ANXA2: variants seen among roughly 807,000 people sequenced by gnomAD.
ANXA2 encodes the protein annexin II.
ANXA2 carries 28 observed loss-of-function variants against 47.3 expected under a neutral mutation model. That is an observed-to-expected ratio of 0.59 (90% CI 0.44 to 0.81). The LOEUF (loss-of-function observed/expected upper bound fraction) is 0.81, where lower values mean the gene tolerates loss of function less well. ANXA2 is among the 40% of genes least tolerant of loss of function. The pLI is 0.00. For missense variants in ANXA2, 384 were observed against 414.3 expected, an observed-to-expected ratio of 0.93 and a Z score of 0.64; for synonymous variants, 172 against 155.5, an observed-to-expected ratio of 1.11 and a Z score of -0.79.
intron 3 of ANXA2, among the ~76,000 whole-genome samples, chr15:60,365,911 C>T (rs1193415294): frequency 7.4e-6 from 1 of 135,820 alleles, no homozygotes; most frequent in African/African-American, 2.8e-5. Flanking sequence ...CAAAGCTGGA[C>T]GGTACTGCTG....
intron 3 of ANXA2, among the ~76,000 whole-genome samples, chr15:60,375,534 C>A (rs914996666): frequency 2.0e-5 from 3 of 152,208 alleles, no homozygotes; most frequent in African/African-American, 7.2e-5. Context: ...ATATTTAACC[C>A]AAGGCCAATC....
At chr15:60,368,718 A>C (rs919531675) in intron 3 of ANXA2, among the ~76,000 whole-genome samples, 4 of 152,198 alleles carry the variant, frequency 2.6e-5, no homozygotes, top group African/African-American at 9.7e-5. Flanking sequence ...CTTTCTTTTG[A>C]TTATCTGTAC....
At chr15:60,358,813 C>G (rs1240412807) in intron 5 of ANXA2, among the ~76,000 whole-genome samples, 3 of 152,218 alleles carry the variant, frequency 2.0e-5, no homozygotes, top group Non-Finnish European at 4.4e-5. Flanking sequence ...AAATAACACA[C>G]AGTGGGAGAA....
At chr15:60,370,160 A>C (rs893478294) in intron 3 of ANXA2, among the ~76,000 whole-genome samples, 18 of 152,240 alleles carry the variant, frequency 1.2e-4, no homozygotes, top group African/African-American at 4.1e-4. Flanking sequence ...CAGCCAGCTG[A>C]GATGCAGTAT....
intron 8 of ANXA2, among the ~76,000 whole-genome samples, chr15:60,353,770 G>A (rs762722160): frequency 1.3e-5 from 2 of 152,282 alleles, no homozygotes; most frequent in African/African-American, 2.4e-5. Flanking sequence ...CAGATTGCTT[G>A]CTCTGGGGAA....
At chr15:60,376,104 G>T (rs773778161) in intron 3 of ANXA2, among the ~76,000 whole-genome samples, 3 of 152,076 alleles carry the variant, frequency 2.0e-5, no homozygotes, top group Non-Finnish European at 4.4e-5. Context: ...TAGGCCAGGC[G>T]CAGTGGCTCA....
intron 1 of ANXA2, among the ~76,000 whole-genome samples, chr15:60,394,099 C>T (rs2063050075): frequency 6.6e-6 from 1 of 152,102 alleles, no homozygotes; most frequent in Non-Finnish European, 1.5e-5. Flanking sequence ...ATAGCCATGC[C>T]CCCCACCTCT....
intron 3 of ANXA2, among the ~76,000 whole-genome samples, chr15:60,377,774 T>G (rs2062801168): frequency 6.6e-6 from 1 of 152,178 alleles, no homozygotes; most frequent in South Asian, 2.1e-4. Context: ...TAATGCCTTT[T>G]ATTTTTTCTT....
At chr15:60,353,304 T>C (rs1244955426) in intron 8 of ANXA2, among the ~76,000 whole-genome samples, 1 of 152,186 alleles carries the variant, frequency 6.6e-6, no homozygotes, top group Non-Finnish European at 1.5e-5. Flanking sequence ...AAAAGTCTTA[T>C]TCAGCCAGAA....
intron 10 of ANXA2, 179 bp downstream of exon 10, chr15:60,351,544 AC>A: frequency 1.6e-6 from 1 of 625,874 alleles, no homozygotes; most frequent in East Asian, 2.7e-5. Context: ...ACAATCTGTT[AC>A]CAAGTTAGGC....
At chr15:60,376,119 C>T (rs1301686290) in intron 3 of ANXA2, among the ~76,000 whole-genome samples, 4 of 152,004 alleles carry the variant, frequency 2.6e-5, no homozygotes, top group African/African-American at 4.8e-5. Context: ...GGCTCACACC[C>T]GTAATCCCAG....
rs2062874360 is a variant in ANXA2 at position 60,382,396 on chromosome 15, T to C, written c.94A>G (p.Asn32Asp). The change falls in exon 3 of 13, where the codon AAC becomes GAC. Residue 32 changes from asparagine (N) to aspartate (D), a missense_variant. Asn to Asp is a conservative substitution (Grantham distance 23). Transcript: ENST00000451270. The stretch of plus-strand genomic sequence containing the variant: ...AAAGCATCCCGCTCAGCATCAAAGT[T>C]AGTATAGGCTTTGACAGACCCATAT... ...SAYGSVKAYT[N>D]FDAERDALNI... is the part of the protein sequence containing the mutation. 3.1e-6 allele frequency: 5 copies of C among 1,614,002 alleles called. No homozygotes were observed. Among genetic ancestry groups the C allele is most frequent in the Non-Finnish European group, 4.2e-6 (5 of 1,179,894 alleles).
At chr15:60,362,149 G>A (rs188476821) in intron 4 of ANXA2, among the ~76,000 whole-genome samples, 20 of 152,188 alleles carry the variant, frequency 1.3e-4, no homozygotes, top group African/African-American at 3.4e-4. Context: ...GGAACACACG[G>A]CACTTAGGAG....
At chr15:60,392,927 A>T in intron 1 of ANXA2, 1 of 1,025,944 alleles carries the variant, frequency 9.7e-7, no homozygotes, top group Non-Finnish European at 1.2e-6. Flanking sequence ...TACAGGCCAC[A>T]CTGGAATTTT....
chr15:60,382,273 G>C (rs1010257163), intron 3 of ANXA2, 69 bp downstream of exon 3: 2 of 1,207,872 alleles, frequency 1.7e-6, no homozygotes, highest in African/African-American at 3.0e-5. Context: ...CGATTTGAGG[G>C]AGAATAAAGA....
At chr15:60,368,317 A>AAAT (rs779686713) in intron 3 of ANXA2, among the ~76,000 whole-genome samples, 110 of 44,314 alleles carry the variant, frequency 2.5e-3, no homozygotes, top group Middle Eastern at 0.016. Flanking sequence ...ATAAAAAAAA[A>AAAT]AAATAAAATA....
rs758452893 is a variant in ANXA2 at position 60,351,839 on chromosome 15, A to T, written c.683-20T>A. 65 of 1,535,024 alleles carry T rather than the reference A, an allele frequency of 4.2e-5. No homozygotes were observed. The highest frequency in any genetic ancestry group is 5.9e-5 in the Non-Finnish European group (65 of 1,108,944). On this transcript the variant is annotated intron_variant, in intron 9 of 12. Coordinates refer to ENST00000451270, the MANE Select transcript of ANXA2 (RefSeq NM_004039.3). ...CAAATACTGAGGAAAAACAACAAAGAGTTATCAGATCCGAGCCACTAGTCA... is the reference window on the plus strand; with the variant it reads ...CAAATACTGAGGAAAAACAACAAAGTGTTATCAGATCCGAGCCACTAGTCA...
rs148517191 is a variant in ANXA2, at chr15:60,368,633, G to A, written c.149-4110C>T. On this transcript the variant is annotated intron_variant, in intron 3 of 12. Transcript: ENST00000451270. ...TCATTTTTGTAAAATGTGTATGCAC[G>A]TATAAGAAAATACCTAGAAGTCTCT... 6.6e-3 allele frequency among the ~76,000 whole-genome samples: 994 copies of A among 151,666 alleles called. 11 individuals carry two copies. Among genetic ancestry groups the A allele is most frequent in the African/African-American group, 0.022 (900 of 41,420 alleles).
At chr15:60,389,728 G>T (rs549465767) in intron 1 of ANXA2, among the ~76,000 whole-genome samples, 1 of 152,272 alleles carries the variant, frequency 6.6e-6, no homozygotes, top group East Asian at 1.9e-4. Flanking sequence ...AGCCTTCAAA[G>T]ATGAGCATCA....
Sources: allele counts gnomAD v4.1 joint callset (sites outside exome capture counted in the v4.1 genomes callset), GRCh38; gene constraint gnomAD v4.1.1; transcripts MANE v1.5; gene names NCBI Gene and HGNC (gene_info 2026-07-23, HGNC 2026-07-21).